Variants in DAPK2 observed in about 807,000 individuals in gnomAD.
The protein encoded by DAPK2 is death associated protein kinase 2.
DAPK2 carries 35 observed loss-of-function variants against 44.1 expected under a neutral mutation model. That is an observed-to-expected ratio of 0.79 (90% CI 0.61 to 1.05). The LOEUF (loss-of-function observed/expected upper bound fraction) is 1.05. Among genes scored for constraint, DAPK2 ranks in the 50% least tolerant of loss-of-function variants. The pLI is 0.00. For missense variants in DAPK2, 453 were observed against 483.2 expected (o/e 0.94, Z 0.59); for synonymous variants, 174 against 182.6 (o/e 0.95, Z 0.38).
chr15:63,970,442 T>A (rs2078181178), intron 3 of DAPK2, among the ~76,000 whole-genome samples: 1 of 152,176 alleles, frequency 6.6e-6, no homozygotes, highest in Non-Finnish European at 1.5e-5. Context: ...GGGAGCCCTC[T>A]CTGATATCCC....
chr15:64,003,604 TCTTTA>T (rs994254895), intron 1 of DAPK2, among the ~76,000 whole-genome samples: 3 of 150,888 alleles, frequency 2.0e-5, no homozygotes, highest in African/African-American at 7.5e-5. Context: ...TCTTTTCTTT[TCTTTA>T]CTTTTCTTTT....
In DAPK2 at chr15:63,923,295, G is replaced by A. The variant is rs1345335612; in HGVS notation, c.858+1521C>T. On this transcript the variant is annotated intron_variant, in intron 8 of 10. Transcript: ENST00000261891. The surrounding 1 kb of genome is among the most constrained non-coding windows in gnomAD (Gnocchi z 4.2). ...TCTCTCAGGTGCTTGGTCTTCAGCT[G>A]GGTGGGCTCTGTCTTCCGCTGTTCA... is the stretch of plus-strand genomic sequence containing the variant. 6.5e-7 allele frequency: 1 copy of A among 1,535,842 alleles called. No homozygotes were observed.
chr15:63,929,513 C>A (rs771238692), intron 6 of DAPK2, 38 bp downstream of exon 7: 1 of 1,613,720 alleles, frequency 6.2e-7, no homozygotes, highest in Admixed American at 1.7e-5. Flanking sequence ...TCCCCCAGAT[C>A]TAAGCTGAGC....
chr15:63,982,406 G>T (rs190205114), intron 2 of DAPK2, among the ~76,000 whole-genome samples: 2 of 151,970 alleles, frequency 1.3e-5, no homozygotes, highest in Non-Finnish European at 2.9e-5. Flanking sequence ...AGCCAGGCTG[G>T]TCTCAAACTC....
chr15:63,976,858 G>C (rs545910227), intron 2 of DAPK2, among the ~76,000 whole-genome samples: 1 of 152,202 alleles, frequency 6.6e-6, no homozygotes, highest in South Asian at 2.1e-4. Flanking sequence ...ATTTCTTTTT[G>C]TTTAGTCAGT....
intron 1 of DAPK2, among the ~76,000 whole-genome samples, chr15:64,002,963 T>G (rs1222104262): frequency 9.5e-5 from 8 of 84,278 alleles, no homozygotes; most frequent in South Asian, 3.6e-4. Flanking sequence ...TGTGTGTGTG[T>G]GTCGTGGGAC....
rs78356887 is a variant in DAPK2 at position 63,931,807 on chromosome 15, G to T, written c.584-1352C>A. On this transcript the variant is annotated intron_variant, in intron 4 of 10. Transcript: ENST00000261891. ...AGAAGAAGATCAAATGCTCCCCAGA[G>T]ATCAAGCAGATAATCCCTGGAAAGT... 4.7e-4 allele frequency among the ~76,000 whole-genome samples: 71 copies of T among 152,276 alleles called. No individual in the cohort carries two copies. The East Asian group carries it at 0.011, about 23-fold the overall frequency.
At chr15:63,940,477 G>A (rs2077276666) in intron 3 of DAPK2, among the ~76,000 whole-genome samples, 1 of 152,160 alleles carries the variant, frequency 6.6e-6, no homozygotes, top group Non-Finnish European at 1.5e-5. Context: ...TTGGGAGGTC[G>A]AGGTGGGTGG....
intron 1 of DAPK2, among the ~76,000 whole-genome samples, chr15:64,021,466 G>C (rs1257253263): frequency 6.6e-6 from 1 of 152,128 alleles, no homozygotes; most frequent in African/African-American, 2.4e-5. Flanking sequence ...GTAAACACAA[G>C]CTCAGCGCCC....
intron 4 of DAPK2, among the ~76,000 whole-genome samples, chr15:63,938,954 G>A (rs561993796): frequency 2.0e-5 from 3 of 152,286 alleles, no homozygotes; most frequent in African/African-American, 7.2e-5. Flanking sequence ...ACGAGGTGGG[G>A]CCAGCGCTAC....
Position 63,966,488 on chromosome 15 carries a change from A to C in DAPK2, c.453+4935T>G, listed in dbSNP as rs970727446. Among the ~76,000 whole-genome samples the C allele has an allele frequency of 1.3e-5, 2 of 152,244 alleles. No individual in the cohort carries two copies. Among genetic ancestry groups the C allele is most frequent in the African/African-American group, 2.4e-5 (1 of 41,468 alleles). On this transcript the variant is annotated intron_variant, in intron 3 of 10. Coordinates refer to ENST00000261891, the Ensembl canonical transcript of DAPK2. This position sits in a 1 kb window ranked among gnomAD's most constrained non-coding sequence, Gnocchi z 5.5. The stretch of plus-strand genomic sequence containing the variant: ...AGTCCTCTGGCTCCAAGCACAGCAC[A>C]GGACCAGGACTTGTCCAGGAATTGC...
chr15:63,944,322 A>T (rs1249648747), intron 3 of DAPK2, among the ~76,000 whole-genome samples: 1 of 152,060 alleles, frequency 6.6e-6, no homozygotes, highest in Non-Finnish European at 1.5e-5. Flanking sequence ...ATTGGGAGTA[A>T]ACAGAGGCCA....
chr15:64,043,052 A>G (rs115772485), upstream of DAPK2, among the ~76,000 whole-genome samples: 160 of 152,312 alleles, frequency 1.1e-3, 1 homozygote, highest in African/African-American at 3.7e-3. Context: ...CTGGGTTTAA[A>G]TCCCAGCTCT....
chr15:63,936,966 T>G (rs1473371304), intron 4 of DAPK2, among the ~76,000 whole-genome samples: 2 of 122,244 alleles, frequency 1.6e-5, no homozygotes, highest in Admixed American at 1.0e-4. Flanking sequence ...GGTGACAGAG[T>G]GAGACCCTGT....
Position 63,939,376 on chromosome 15 carries a change from G to GAA in DAPK2, c.454-16_454-15insTT. On this transcript the variant is annotated splice_polypyrimidine_tract_variant and intron_variant, in intron 3 of 10. Transcript: ENST00000261891. This position sits in a 1 kb window ranked among gnomAD's most constrained non-coding sequence, Gnocchi z 4.3. ...ATGTTTTCTGGCTGGACAACAAAAA[G>GAA]TAGAAAAAAAAAAAAGGAAGGAAGA... The GAA allele has an allele frequency of 1.5e-6, 2 of 1,348,424 alleles. No homozygotes were observed. The highest frequency in any genetic ancestry group is 2.0e-6 in the Non-Finnish European group (2 of 1,022,322). The allele number at this position is 1,348,424 out of a possible 1,614,324, so 83.5% of individuals were successfully genotyped here.
At chr15:64,039,254 T>G (rs919160912) in intron 1 of DAPK2, among the ~76,000 whole-genome samples, 8 of 152,248 alleles carry the variant, frequency 5.3e-5, no homozygotes, top group African/African-American at 1.9e-4. Flanking sequence ...GTTTTCATGC[T>G]GCGCTGTGTG....
At chr15:63,942,350 G>A (rs566315035) in intron 3 of DAPK2, 14 of 504,724 alleles carry the variant, frequency 2.8e-5, no homozygotes, top group Admixed American at 1.9e-4. Context: ...TCAGGCGTTC[G>A]AGACCAGCCT....
At chr15:64,044,423 T>C (rs2080414310), upstream of DAPK2, among the ~76,000 whole-genome samples, 1 of 152,128 alleles carries the variant, frequency 6.6e-6, no homozygotes. Flanking sequence ...ACGTTATCCA[T>C]ACTATATGTT....
At chr15:64,012,686 A>C (rs547988408) in intron 1 of DAPK2, among the ~76,000 whole-genome samples, 3 of 152,370 alleles carry the variant, frequency 2.0e-5, no homozygotes, top group Middle Eastern at 3.4e-3. Flanking sequence ...ACCTTTTTGA[A>C]AATATAGACT....
Sources: gnomAD v4.1 joint callset for allele counts (sites outside exome capture counted in the v4.1 genomes callset) on GRCh38, gnomAD v4.1.1 for gene constraint, Gnocchi (gnomAD v3.1) non-coding constraint, MANE v1.5 for transcripts, NCBI Gene and HGNC (gene_info 2026-07-23, HGNC 2026-07-21) for gene names.